Variants in NECAB2 observed in about 807,000 individuals in gnomAD.
NECAB2 encodes N-terminal EF-hand calcium binding protein 2, also known as N-terminal EF-hand calcium-binding protein 2.
Under a neutral mutation model 51.9 loss-of-function variants are expected in NECAB2, and 68 were observed. That is an observed-to-expected ratio of 1.31 (90% CI 1.08 to 1.60). NECAB2 has a LOEUF of 1.60. Ranked by LOEUF, NECAB2 falls within the 40% of genes most tolerant of loss-of-function variation. The probability of loss-of-function intolerance (pLI) is 0.00; values close to 1 mark genes in which losing one functional copy is unlikely to be tolerated. For synonymous variants in NECAB2, 329 were observed against 203.5 expected (o/e 1.62, Z -5.25); for missense variants, 854 against 490.3 (o/e 1.74, Z -7.00).
chr16:83,998,723 T>C (rs1459796962), intron 10 of NECAB2, among the ~76,000 whole-genome samples: 2 of 152,150 alleles, frequency 1.3e-5, no homozygotes, highest in Non-Finnish European at 2.9e-5. Flanking sequence ...CAGAATGTAG[T>C]ATTTGCTCAG....
At position 83,968,496 on chromosome 16, in the gene NECAB2, G is replaced by A; in HGVS notation, c.-153G>A. The A allele has an allele frequency of 2.0e-6, 1 of 506,476 alleles. No homozygotes were observed. The highest frequency in any genetic ancestry group is 2.5e-6 in the Non-Finnish European group (1 of 395,744). 31.4% of individuals were successfully genotyped at this position (506,476 alleles called of 1,614,324 possible). ...CGGGGTCCGGCCGGCCCGCCCCCCG[G>A]CGCCGGCCAGTCCCCGCGGTGTCCG... On this transcript the variant is annotated 5_prime_UTR_variant, in exon 1 of 13. Transcript: ENST00000305202.
chr16:83,987,210 T>A (rs1021068256), intron 5 of NECAB2, among the ~76,000 whole-genome samples: 8 of 151,896 alleles, frequency 5.3e-5, no homozygotes, highest in African/African-American at 1.9e-4. Flanking sequence ...AACCCAAGAG[T>A]CATTTTTGCC....
At chr16:83,983,988 ATATG>A (rs1029864789) in intron 5 of NECAB2, among the ~76,000 whole-genome samples, 1 of 144,486 alleles carries the variant, frequency 6.9e-6, no homozygotes, top group African/African-American at 2.6e-5. Context: ...ACATATATAT[ATATG>A]GTGGTTTTTT....
intron 3 of NECAB2, 114 bp downstream of exon 3, chr16:83,978,666 C>T (rs571005116): frequency 6.8e-6 from 6 of 880,660 alleles, no homozygotes; most frequent in Non-Finnish European, 1.1e-5. Context: ...ACTGAAAATC[C>T]CCAAATTTGC....
chr16:83,966,515 C>T (rs573589878), upstream of NECAB2, among the ~76,000 whole-genome samples: 1 of 152,068 alleles, frequency 6.6e-6, no homozygotes, highest in South Asian at 2.1e-4. Flanking sequence ...GGCAGTTGAG[C>T]GGGCAGCTGT....
Position 83,998,311 on chromosome 16 carries a change from G to T in NECAB2, c.956G>T (p.Cys319Phe). ...CGGGGGACCACTGGCGTGAGGAACT[G>T]CTTCCAGTGAGTGAGCTGCCGAGGC... The part of the protein sequence containing the change: ...YLRGTTGVRN[C>F]FHITAVRLSD... The change falls in exon 10 of 13, where the codon TGC (cysteine) becomes TTC (phenylalanine). Residue 319 changes from cysteine (C) to phenylalanine (F), a missense_variant. Transcript: ENST00000305202. The T allele has an allele frequency of 6.2e-7, 1 of 1,613,368 alleles. No individual in the cohort carries two copies. Among genetic ancestry groups the T allele is most frequent in the Non-Finnish European group, 8.5e-7 (1 of 1,179,954 alleles).
At position 84,000,703 on chromosome 16, in the gene NECAB2, C is replaced by G. The variant is rs372099493; in HGVS notation, c.963-21C>G. ...CTTGGTTGAGCTCCAGCCTCCTCCCCCCGACCATCTCCTGTTGCAGCATCA... is the reference window on the plus strand; with the variant it reads ...CTTGGTTGAGCTCCAGCCTCCTCCCGCCGACCATCTCCTGTTGCAGCATCA... On this transcript the variant is annotated intron_variant, in intron 10 of 12. Coordinates refer to ENST00000305202, the MANE Select transcript of NECAB2 (RefSeq NM_019065.3). The G allele has an allele frequency of 1.8e-5, 29 of 1,612,928 alleles. No individual in the cohort carries two copies. In the African/African-American group the frequency reaches 2.0e-4, roughly 11 times the overall value.
intron 9 of NECAB2, among the ~76,000 whole-genome samples, chr16:83,997,946 G>T (rs1042848717): frequency 1.2e-4 from 18 of 152,182 alleles, no homozygotes; most frequent in African/African-American, 4.1e-4. Context: ...GCAGGTGGTT[G>T]TGGACATGGA....
chr16:83,997,983 G>C (rs886460106), intron 9 of NECAB2, among the ~76,000 whole-genome samples: 5 of 152,162 alleles, frequency 3.3e-5, no homozygotes, highest in Admixed American at 6.5e-5. Flanking sequence ...AACCTCGTCT[G>C]TTTTCCCCAT....
At chr16:83,976,895 C>T (rs2084417558) in intron 2 of NECAB2, among the ~76,000 whole-genome samples, 1 of 152,214 alleles carries the variant, frequency 6.6e-6, no homozygotes, top group South Asian at 2.1e-4. Flanking sequence ...CTGCTGGGAG[C>T]ACAGACAGAA....
intron 8 of NECAB2, among the ~76,000 whole-genome samples, chr16:83,995,989 G>A (rs1208595572): frequency 6.6e-6 from 1 of 152,214 alleles, no homozygotes; most frequent in African/African-American, 2.4e-5. Context: ...CGGAGTACCT[G>A]GGCGTCCTGG....
At chr16:83,975,059 TGTGCAGGGAGGTGTGG>T (rs1460229224) in intron 2 of NECAB2, among the ~76,000 whole-genome samples, 4 of 120,172 alleles carry the variant, frequency 3.3e-5, no homozygotes, top group East Asian at 2.8e-4. Flanking sequence ...TGAGAGCAGG[TGTGCAGGGAGGTGTGG>T]GTGCAGGGAT....
chr16:83,975,685 CA>C (rs958652533), intron 2 of NECAB2, among the ~76,000 whole-genome samples: 2 of 152,084 alleles, frequency 1.3e-5, no homozygotes, highest in African/African-American at 4.8e-5. Context: ...GACATAAACT[CA>C]GGGGGTGGCA....
intron 12 of NECAB2, 41 bp downstream of exon 12, chr16:84,001,957 G>A (rs769625777): frequency 8.8e-6 from 14 of 1,593,668 alleles, no homozygotes; most frequent in African/African-American, 2.7e-5. Context: ...CCACCTGACT[G>A]GAGAGAAGGG....
intron 10 of NECAB2, among the ~76,000 whole-genome samples, chr16:83,999,891 GGTTT>G (rs1290948235): frequency 9.5e-5 from 14 of 147,350 alleles, no homozygotes; most frequent in African/African-American, 3.7e-4. Flanking sequence ...GATTTTTAAA[GGTTT>G]TTTGAGACCA....
At chr16:83,966,328 C>A (rs2084280179), upstream of NECAB2, 1 of 407,642 alleles carries the variant, frequency 2.5e-6, no homozygotes, top group Non-Finnish European at 4.4e-6. Flanking sequence ...CCAGTGCCCA[C>A]CTGCTCTCAT....
chr16:84,000,063 T>A (rs958695988), intron 10 of NECAB2, among the ~76,000 whole-genome samples: 9 of 151,988 alleles, frequency 5.9e-5, no homozygotes, highest in East Asian at 3.9e-4. Flanking sequence ...GTTTTATTTT[T>A]TTTTTTTTTA....
At chr16:83,967,694 A>AGATG (rs1260318709), upstream of NECAB2, among the ~76,000 whole-genome samples, 10 of 97,700 alleles carry the variant, frequency 1.0e-4, no homozygotes, top group Admixed American at 2.1e-4. Context: ...GCGGGCGGGC[A>AGATG]GATGGATGGA....
At chr16:83,969,547 C>G (rs1195339706) in intron 1 of NECAB2, among the ~76,000 whole-genome samples, 2 of 151,876 alleles carry the variant, frequency 1.3e-5, no homozygotes, top group African/African-American at 4.8e-5. Flanking sequence ...GCTGGGTCCT[C>G]TTCATGGACC....
Sources: allele counts gnomAD v4.1 joint callset (sites outside exome capture counted in the v4.1 genomes callset), GRCh38; gene constraint gnomAD v4.1.1; transcripts MANE v1.5; gene names NCBI Gene and HGNC (gene_info 2026-07-23, HGNC 2026-07-21).